CDKAL1: variants seen among roughly 807,000 people sequenced by gnomAD.
The protein encoded by CDKAL1 is threonylcarbamoyladenosine tRNA methylthiotransferase.
A neutral mutation model predicts 68.2 loss-of-function variants in CDKAL1; 32 were observed. The observed-to-expected ratio is 0.47, with a 90% CI of 0.35 to 0.63. CDKAL1 has a LOEUF of 0.63. Ranked by LOEUF, CDKAL1 falls within the 30% of genes least tolerant of loss-of-function variation. The probability of loss-of-function intolerance (pLI) is 0.00; values close to 1 mark genes in which losing one functional copy is unlikely to be tolerated. For missense variants in CDKAL1, 606 were observed against 696.7 expected, an observed-to-expected ratio of 0.87 and a Z score of 1.47; for synonymous variants, 234 against 244.3, an observed-to-expected ratio of 0.96 and a Z score of 0.39.
At chr6:21,133,599 G>T (rs1047631409) in intron 13 of CDKAL1, among the ~76,000 whole-genome samples, 1 of 152,194 alleles carries the variant, frequency 6.6e-6, no homozygotes, top group African/African-American at 2.4e-5. Context: ...GCACCATCTG[G>T]CTTCTGATAG....
chr6:20,804,173 A>G (rs1023216212), intron 8 of CDKAL1, among the ~76,000 whole-genome samples: 1 of 152,250 alleles, frequency 6.6e-6, no homozygotes, highest in Non-Finnish European at 1.5e-5. Context: ...AAGAATTACT[A>G]TTAAGTCATT....
chr6:20,582,516 G>GT (rs914682465), intron 4 of CDKAL1, among the ~76,000 whole-genome samples: 8 of 152,016 alleles, frequency 5.3e-5, no homozygotes, highest in African/African-American at 1.2e-4. Context: ...ACATATGAGG[G>GT]TTTTTTTCCT....
chr6:21,129,693 A>AC (rs1345323224), intron 13 of CDKAL1, among the ~76,000 whole-genome samples: 43 of 146,234 alleles, frequency 2.9e-4, no homozygotes, highest in Admixed American at 5.4e-4. Context: ...AAAAAAAAAA[A>AC]AAAAAAAAAA....
chr6:20,704,980 G>T (rs771931806), intron 5 of CDKAL1, among the ~76,000 whole-genome samples: 1 of 152,230 alleles, frequency 6.6e-6, no homozygotes, highest in Non-Finnish European at 1.5e-5. Flanking sequence ...AATTAAAAAT[G>T]TGAGTAGCCT....
At chr6:20,554,714 G>A (rs924953048) in intron 4 of CDKAL1, among the ~76,000 whole-genome samples, 3 of 152,186 alleles carry the variant, frequency 2.0e-5, no homozygotes, top group African/African-American at 7.2e-5. Flanking sequence ...GCCTGATAGT[G>A]GAATAAAGGT....
chr6:21,217,472 T>C (rs1779381340), intron 15 of CDKAL1, among the ~76,000 whole-genome samples: 1 of 150,550 alleles, frequency 6.6e-6, no homozygotes, highest in Admixed American at 6.6e-5. Flanking sequence ...GTTTTATTTT[T>C]TATTTTTTAT....
At chr6:20,962,464 G>T (rs1475723367) in intron 10 of CDKAL1, among the ~76,000 whole-genome samples, 1 of 152,098 alleles carries the variant, frequency 6.6e-6, no homozygotes, top group Non-Finnish European at 1.5e-5. Flanking sequence ...TTCATCTGCT[G>T]AAAGACAGTA....
At chr6:21,202,778 A>G (rs966895834) in intron 15 of CDKAL1, among the ~76,000 whole-genome samples, 2 of 152,184 alleles carry the variant, frequency 1.3e-5, no homozygotes, top group Non-Finnish European at 2.9e-5. Context: ...CTATAGTGTT[A>G]CTGTCTAAAA....
rs1774642403 is a variant in CDKAL1, at chr6:20,765,147, T to TAAATGCACTCAG, written c.517+6504_517+6505insAAATGCACTCAG. ...ATTGCAAAGGTAATGGTTACATTCT[T>TAAATGCACTCAG]TTTTTTTTTTTTTTTTTTTTTTTTT... On this transcript the variant is annotated intron_variant, in intron 7 of 15. Coordinates refer to ENST00000274695, the MANE Select transcript of CDKAL1 (RefSeq NM_017774.3). Among the ~76,000 whole-genome samples, 5 of 2,602 alleles carry TAAATGCACTCAG rather than the reference T, an allele frequency of 1.9e-3. No individual in the cohort carries two copies. The South Asian group carries it at 0.042, about 22-fold the overall frequency. 1.7% of individuals were successfully genotyped at this position (2,602 alleles called of 152,430 possible).
intron 6 of CDKAL1, among the ~76,000 whole-genome samples, chr6:20,757,934 A>G (rs542541804): frequency 6.6e-6 from 1 of 152,182 alleles, no homozygotes; most frequent in South Asian, 2.1e-4. Context: ...GGGTTTCTCC[A>G]ATCATAATCC....
intron 12 of CDKAL1, among the ~76,000 whole-genome samples, chr6:21,102,292 C>T (rs920770945): frequency 1.3e-5 from 2 of 152,210 alleles, no homozygotes; most frequent in Non-Finnish European, 2.9e-5. Flanking sequence ...CAACCAAATG[C>T]TGTCACATTG....
chr6:21,010,299 A>G (rs1767942340), intron 11 of CDKAL1, among the ~76,000 whole-genome samples: 1 of 152,220 alleles, frequency 6.6e-6, no homozygotes, highest in Non-Finnish European at 1.5e-5. Context: ...TGAAATGCTA[A>G]TGCCAGTGGT....
intron 5 of CDKAL1, among the ~76,000 whole-genome samples, chr6:20,726,366 C>T (rs560324564): frequency 6.6e-6 from 1 of 152,182 alleles, no homozygotes; most frequent in South Asian, 2.1e-4. Context: ...CATGTACTGA[C>T]TGATGCCTTT....
chr6:20,713,164 A>G (rs2127832859), intron 5 of CDKAL1, among the ~76,000 whole-genome samples: 1 of 152,316 alleles, frequency 6.6e-6, no homozygotes, highest in East Asian at 1.9e-4. Flanking sequence ...TCTGATGTTA[A>G]TGCAAAGCAT....
intron 5 of CDKAL1, among the ~76,000 whole-genome samples, chr6:20,652,952 A>G (rs1768841563): frequency 6.6e-6 from 1 of 152,178 alleles, no homozygotes; most frequent in Non-Finnish European, 1.5e-5. Flanking sequence ...GTATGTCTTT[A>G]AACAGTGTGT....
intron 6 of CDKAL1, among the ~76,000 whole-genome samples, chr6:20,751,213 G>A (rs1365832525): frequency 6.6e-6 from 1 of 152,052 alleles, no homozygotes; most frequent in Non-Finnish European, 1.5e-5. Flanking sequence ...GTGTCAGCTT[G>A]TTCTCCGACG....
chr6:20,759,471 G>A (rs1029320442), intron 7 of CDKAL1, among the ~76,000 whole-genome samples: 1 of 152,164 alleles, frequency 6.6e-6, no homozygotes, highest in Non-Finnish European at 1.5e-5. Flanking sequence ...GAGGCTGGGA[G>A]GTTGAGGCTG....
At position 20,969,465 on chromosome 6, in the gene CDKAL1, CA is replaced by C. The variant is rs201686345; in HGVS notation, c.909+13881del. On this transcript the variant is annotated intron_variant, in intron 10 of 15. Coordinates refer to ENST00000274695, the MANE Select transcript of CDKAL1 (RefSeq NM_017774.3). The stretch of plus-strand genomic sequence containing the variant: ...AGAGGAGCTGTTGATTTTGCAGTCT[CA>C]GGGGTGGTAAAGACAAAAGAATATC... Among the ~76,000 whole-genome samples the C allele has an allele frequency of 6.2e-3, 946 of 152,250 alleles. 3 individuals carry two copies. Among genetic ancestry groups the C allele is most frequent in the African/African-American group, 0.022 (901 of 41,550 alleles).
chr6:20,700,511 C>G (rs934108155), intron 5 of CDKAL1, among the ~76,000 whole-genome samples: 1 of 152,124 alleles, frequency 6.6e-6, no homozygotes, highest in African/African-American at 2.4e-5. Flanking sequence ...TTGACAGGTG[C>G]AAAACTGTAA....
Sources: gnomAD v4.1 joint callset for allele counts (sites outside exome capture counted in the v4.1 genomes callset) on GRCh38, gnomAD v4.1.1 for gene constraint, MANE v1.5 for transcripts, NCBI Gene and HGNC (gene_info 2026-07-23, HGNC 2026-07-21) for gene names.